The following DGLUCY variants were observed in gnomAD, a reference collection of about 807,000 sequenced individuals.
DGLUCY encodes D-glutamate cyclase.
Under a neutral mutation model 58.5 loss-of-function variants are expected in DGLUCY, and 58 were observed. That is an observed-to-expected ratio of 0.99 (90% CI 0.80 to 1.23). DGLUCY has a LOEUF of 1.23. DGLUCY is among the 50% of genes most tolerant of loss of function. The pLI, the probability that DGLUCY is intolerant of heterozygous loss-of-function variation, is 0.00. For synonymous variants in DGLUCY, 325 were observed against 314.1 expected (o/e 1.03, Z -0.37); for missense variants, 779 against 784.7 (o/e 0.99, Z 0.09).
At chr14:91,151,733 C>G (rs536201507) in intron 1 of DGLUCY, among the ~76,000 whole-genome samples, 38 of 151,038 alleles carry the variant, frequency 2.5e-4, no homozygotes, top group Admixed American at 9.2e-4. Flanking sequence ...TGGCTCACTG[C>G]AACCTCCGCC....
chr14:91,161,809 CAT>C (rs1491350657), intron 3 of DGLUCY, among the ~76,000 whole-genome samples: 7 of 22,540 alleles, frequency 3.1e-4, no homozygotes, highest in African/African-American at 7.6e-4. Flanking sequence ...CGATTTTTGC[CAT>C]TTTTTTTTTT....
At chr14:91,189,909 C>T (rs558351949) in intron 9 of DGLUCY, 4 of 151,272 alleles carry the variant, frequency 2.6e-5, no homozygotes, top group East Asian at 1.9e-4. Flanking sequence ...TGTGTCTGTA[C>T]GTGTAGAATC....
At chr14:91,080,688 A>G (rs754873591) in intron 1 of DGLUCY, among the ~76,000 whole-genome samples, 3 of 152,100 alleles carry the variant, frequency 2.0e-5, no homozygotes, top group Non-Finnish European at 4.4e-5. Flanking sequence ...GTAATTTTTA[A>G]TGGTTTCCCA....
chr14:91,157,149 GGATGGATGAATGGGTGGATGGATA>G (rs2047682149), intron 1 of DGLUCY, among the ~76,000 whole-genome samples: 1 of 150,526 alleles, frequency 6.6e-6, no homozygotes, highest in Non-Finnish European at 1.5e-5. Context: ...ATGGATGGAT[GGATGGATGAATGGGTGGATGGATA>G]GATGGATGGA....
At chr14:91,124,831 T>A (rs555904433) in intron 1 of DGLUCY, among the ~76,000 whole-genome samples, 1 of 152,358 alleles carries the variant, frequency 6.6e-6, no homozygotes, top group South Asian at 2.1e-4. Context: ...TTCTTAAATA[T>A]CTGCTATCCA....
At chr14:91,204,915 C>A in intron 12 of DGLUCY, 90 bp downstream of exon 12, 1 of 1,566,508 alleles carries the variant, frequency 6.4e-7, no homozygotes, top group African/African-American at 1.3e-5. Context: ...CTCTTCTTCT[C>A]TGCAGTCAGT....
chr14:91,116,073 C>A (rs2044922775), intron 1 of DGLUCY, among the ~76,000 whole-genome samples: 1 of 152,316 alleles, frequency 6.6e-6, no homozygotes, highest in East Asian at 1.9e-4. Flanking sequence ...TTAATATCTC[C>A]CTTTTTCAGT....
intron 1 of DGLUCY, among the ~76,000 whole-genome samples, chr14:91,135,948 T>C (rs1313676204): frequency 4.3e-5 from 6 of 139,366 alleles, no homozygotes; most frequent in Non-Finnish European, 7.6e-5. Context: ...TTTTTTTTTT[T>C]TTTTGAGATA....
intron 1 of DGLUCY, among the ~76,000 whole-genome samples, chr14:91,154,578 G>C (rs1436417042): frequency 6.6e-6 from 1 of 152,210 alleles, no homozygotes; most frequent in Non-Finnish European, 1.5e-5. Context: ...AACAAAATGA[G>C]AGGCAGGCTT....
intron 1 of DGLUCY, among the ~76,000 whole-genome samples, chr14:91,069,191 A>G (rs1029609085): frequency 6.6e-6 from 1 of 152,210 alleles, no homozygotes; most frequent in Non-Finnish European, 1.5e-5. Flanking sequence ...CTAACAAGGA[A>G]AATGCAGACC....
At chr14:91,070,595 A>T (rs1223049185) in intron 1 of DGLUCY, among the ~76,000 whole-genome samples, 1 of 152,192 alleles carries the variant, frequency 6.6e-6, no homozygotes, top group African/African-American at 2.4e-5. Context: ...AAGAGGAAAA[A>T]ACTGAGTGGC....
At chr14:91,113,513 A>G (rs999289284), upstream of DGLUCY, among the ~76,000 whole-genome samples, 2 of 152,204 alleles carry the variant, frequency 1.3e-5, no homozygotes, top group Admixed American at 1.3e-4. Flanking sequence ...ATCTCAGTCA[A>G]TCGTCAGAGC....
chr14:91,093,789 A>G (rs2044349948), intron 1 of DGLUCY, among the ~76,000 whole-genome samples: 1 of 145,040 alleles, frequency 6.9e-6, no homozygotes, highest in Non-Finnish European at 1.5e-5. Flanking sequence ...TGGGTGACAG[A>G]GCAACAAAAC....
At chr14:91,105,620 G>A (rs966441443), upstream of DGLUCY, among the ~76,000 whole-genome samples, 1 of 152,174 alleles carries the variant, frequency 6.6e-6, no homozygotes, top group African/African-American at 2.4e-5. Context: ...ATTATTAAGA[G>A]ACCAGTAGTT....
intron 1 of DGLUCY, among the ~76,000 whole-genome samples, chr14:91,140,951 C>T (rs968985535): frequency 6.6e-6 from 1 of 152,150 alleles, no homozygotes; most frequent in African/African-American, 2.4e-5. Context: ...CTCAGGAAAC[C>T]TTCAGGTCTG....
intron 5 of DGLUCY, among the ~76,000 whole-genome samples, chr14:91,171,620 CT>C (rs1244728038): frequency 6.6e-6 from 1 of 152,250 alleles, no homozygotes; most frequent in African/African-American, 2.4e-5. Flanking sequence ...TTCCATCCTG[CT>C]GCCGCCAGGG....
chr14:91,128,375 G>A (rs2045845379), intron 1 of DGLUCY, among the ~76,000 whole-genome samples: 2 of 151,240 alleles, frequency 1.3e-5, no homozygotes, highest in South Asian at 4.2e-4. Flanking sequence ...TGTGCCTGTA[G>A]TCTTAGCTAT....
chr14:91,110,906 CCTT>C (rs1256350470), upstream of DGLUCY, among the ~76,000 whole-genome samples: 3 of 152,194 alleles, frequency 2.0e-5, no homozygotes, highest in African/African-American at 7.2e-5. Context: ...TCCTCGTTCT[CCTT>C]CTGCCACCCT....
At position 91,122,052 on chromosome 14, in the gene DGLUCY, A is replaced by G. The variant is rs1022138424; in HGVS notation, c.-82+7769A>G. 2.6e-5 allele frequency among the ~76,000 whole-genome samples: 4 copies of G among 151,992 alleles called. No homozygotes were observed. The South Asian group carries it at 8.3e-4, about 31-fold the overall frequency. ...GTATTTAGTGGAGAACAGTATTCAC[A>G]CCTTGTTGTCTAGATTGCCTTGAAA... On this transcript the variant is annotated intron_variant, in intron 1 of 13. Coordinates refer to ENST00000256324, the MANE Select transcript of DGLUCY (RefSeq NM_001102368.3).
Sources: allele counts gnomAD v4.1 joint callset (sites outside exome capture counted in the v4.1 genomes callset), GRCh38; gene constraint gnomAD v4.1.1; transcripts MANE v1.5; gene names NCBI Gene and HGNC (gene_info 2026-07-23, HGNC 2026-07-21).